ACTR3C: variants seen among roughly 807,000 people sequenced by gnomAD.
The protein encoded by ACTR3C is actin-related protein 3C.
A neutral mutation model predicts 26.3 loss-of-function variants in ACTR3C; 18 were observed. The observed-to-expected ratio is 0.68, with a 90% CI of 0.47 to 1.01. The LOEUF is 1.01. Among genes scored for constraint, ACTR3C ranks in the 50% least tolerant of loss-of-function variants. ACTR3C has a pLI of 0.00. For missense variants in ACTR3C, 184 were observed against 250.7 expected, an observed-to-expected ratio of 0.73 and a Z score of 1.80; for synonymous variants, 55 against 94.5, an observed-to-expected ratio of 0.58 and a Z score of 2.42.
intron 1 of ACTR3C, among the ~76,000 whole-genome samples, chr7:150,314,491 A>G (rs1170932983): frequency 1.3e-5 from 2 of 152,094 alleles, no homozygotes; most frequent in African/African-American, 4.8e-5. Flanking sequence ...GGGGCGATGG[A>G]GCTTTGTGTA....
the ACTR3C span, among the ~76,000 whole-genome samples, chr7:150,129,762 G>A: frequency 0.11 from 16,553 of 151,768 alleles, 1,306 homozygotes; most frequent in African/African-American, 0.22. Context: ...CCAATTCTCC[G>A]AAAATTGATG....
chr7:149,893,756 C>G, the ACTR3C span, among the ~76,000 whole-genome samples: 1 of 152,196 alleles, frequency 6.6e-6, no homozygotes, highest in Non-Finnish European at 1.5e-5. Context: ...AATGGCTTCT[C>G]ACTGTCCTTA....
chr7:150,183,224 T>C, the ACTR3C span, among the ~76,000 whole-genome samples: 1 of 149,924 alleles, frequency 6.7e-6, no homozygotes, highest in East Asian at 1.9e-4. Context: ...CCAAGATGTA[T>C]AGGGTAACTA....
the ACTR3C span, among the ~76,000 whole-genome samples, chr7:150,101,798 A>G: frequency 6.6e-6 from 1 of 151,726 alleles, no homozygotes; most frequent in Non-Finnish European, 1.5e-5. Context: ...CTCTCTATCA[A>G]TGGGATTCCA....
chr7:149,924,329 C>T, the ACTR3C span, among the ~76,000 whole-genome samples: 2 of 151,648 alleles, frequency 1.3e-5, no homozygotes, highest in Non-Finnish European at 2.9e-5. Flanking sequence ...GAGCCAAGAT[C>T]GCTCCATTGC....
At chr7:150,133,627 T>C in the ACTR3C span, among the ~76,000 whole-genome samples, 2 of 152,104 alleles carry the variant, frequency 1.3e-5, no homozygotes, top group African/African-American at 4.8e-5. Context: ...ATGGGCAGTG[T>C]CATGCAGGCA....
the ACTR3C span, among the ~76,000 whole-genome samples, chr7:150,163,345 T>C: frequency 6.7e-6 from 1 of 150,112 alleles, no homozygotes; most frequent in Non-Finnish European, 1.5e-5. Context: ...GAGAGGTACA[T>C]ATATCCTTGT....
At chr7:149,981,247 G>A in the ACTR3C span, among the ~76,000 whole-genome samples, 21 of 152,018 alleles carry the variant, frequency 1.4e-4, no homozygotes, top group Admixed American at 3.3e-4. Context: ...TTTACAGTCC[G>A]TGTGAACTTT....
the ACTR3C span, among the ~76,000 whole-genome samples, chr7:150,195,134 T>C: frequency 6.7e-6 from 1 of 148,846 alleles, no homozygotes; most frequent in Admixed American, 6.7e-5. Context: ...TATATATATA[T>C]ATATACTTTC....
At chr7:149,887,023 G>A in the ACTR3C span, among the ~76,000 whole-genome samples, 1 of 151,222 alleles carries the variant, frequency 6.6e-6, no homozygotes, top group African/African-American at 2.4e-5. Context: ...AGATGAGTAG[G>A]GCAATGAACA....
At chr7:149,951,504 G>A in the ACTR3C span, among the ~76,000 whole-genome samples, 65 of 149,518 alleles carry the variant, frequency 4.3e-4, no homozygotes, top group Admixed American at 4.1e-3. Flanking sequence ...AGGGCCCTGT[G>A]GTGGTAGGAC....
the ACTR3C span, among the ~76,000 whole-genome samples, chr7:150,233,144 G>A: frequency 6.6e-6 from 1 of 151,884 alleles, no homozygotes; most frequent in Non-Finnish European, 1.5e-5. Context: ...TTCTTACAGG[G>A]AAGGTCTGAT....
chr7:150,040,164 A>C, the ACTR3C span, among the ~76,000 whole-genome samples: 1 of 148,202 alleles, frequency 6.7e-6, no homozygotes, highest in African/African-American at 2.5e-5. Flanking sequence ...TTACCCAAGA[A>C]TCAGCTTATT....
the ACTR3C span, among the ~76,000 whole-genome samples, chr7:150,049,547 G>A: frequency 2.0e-5 from 3 of 152,244 alleles, no homozygotes; most frequent in Non-Finnish European, 2.9e-5. Flanking sequence ...CAAAATAACA[G>A]GCTCGGCCGC....
the ACTR3C span, among the ~76,000 whole-genome samples, chr7:150,143,496 A>G: frequency 6.6e-6 from 1 of 152,136 alleles, no homozygotes; most frequent in Non-Finnish European, 1.5e-5. Flanking sequence ...TGCAGATTCA[A>G]CGACTGTAAA....
the ACTR3C span, among the ~76,000 whole-genome samples, chr7:150,213,076 C>T: frequency 1.3e-5 from 2 of 151,848 alleles, no homozygotes; most frequent in African/African-American, 4.8e-5. Context: ...TCAGAAAGAA[C>T]TACAGGCTCA....
the ACTR3C span, among the ~76,000 whole-genome samples, chr7:150,041,717 C>T: frequency 0.027 from 3,466 of 127,156 alleles, 86 homozygotes; most frequent in African/African-American, 0.12. Flanking sequence ...GCGGGGGGTG[C>T]CTCCCCCTCC....
the ACTR3C span, among the ~76,000 whole-genome samples, chr7:150,231,018 C>T: frequency 2.0e-5 from 3 of 151,698 alleles, no homozygotes; most frequent in African/African-American, 7.3e-5. Context: ...TTATGCTTTT[C>T]TTCTATAACT....
chr7:150,264,363 C>G (rs562486595), intron 6 of ACTR3C, among the ~76,000 whole-genome samples: 96 of 152,322 alleles, frequency 6.3e-4, no homozygotes, highest in South Asian at 1.7e-3. Context: ...ACAAATAAAA[C>G]CTGAAGACAA....
Sources: allele counts gnomAD v4.1 joint callset (sites outside exome capture counted in the v4.1 genomes callset), GRCh38; gene constraint gnomAD v4.1.1; transcripts MANE v1.5; gene names NCBI Gene and HGNC (gene_info 2026-07-23, HGNC 2026-07-21).